DHX58: variants seen among roughly 807,000 people sequenced by gnomAD.
DHX58 encodes DExH-box helicase 58, also known as ATP-dependent RNA helicase DHX58.
A neutral mutation model predicts 65.0 loss-of-function variants in DHX58; 51 were observed. The observed-to-expected ratio is 0.78, with a 90% confidence interval of 0.63 to 0.99. DHX58 has a LOEUF of 0.99. DHX58 is among the 50% of genes least tolerant of loss of function. The probability of loss-of-function intolerance (pLI) is 0.00; values close to 1 mark genes in which losing one functional copy is unlikely to be tolerated. For synonymous variants in DHX58, 350 were observed against 365.0 expected (o/e 0.96, Z 0.47); for missense variants, 773 against 891.8 (o/e 0.87, Z 1.70).
In DHX58 at chr17:42,103,660, C is replaced by T. The variant is rs1167300738; in HGVS notation, c.1702G>A (p.Asp568Asn). Reference protein sequence around the residue: ...NCMVAVGHGSDLRKVEGTHHV... With the variant: ...NCMVAVGHGSNLRKVEGTHHV... Reference sequence around the variant, plus strand: ...TGGGTGCCCTCCACCTTCCGCAGGTCGCTGCCATGGCCCACAGCCACCATG... The same window carrying T: ...TGGGTGCCCTCCACCTTCCGCAGGTTGCTGCCATGGCCCACAGCCACCATG... Residue 568 changes from aspartate to asparagine, a missense_variant, in exon 12 of 14, where the codon GAC becomes AAC. Transcript: ENST00000251642. 22 of 1,613,912 alleles carry T rather than the reference C, an allele frequency of 1.4e-5. No homozygotes were observed. The highest frequency in any genetic ancestry group is 3.3e-5 in the Admixed American group (2 of 60,008).
intron 8 of DHX58, among the ~76,000 whole-genome samples, chr17:42,106,634 C>CAAA (rs2054064304): frequency 9.6e-6 from 1 of 104,484 alleles, no homozygotes; most frequent in Admixed American, 8.4e-5. Flanking sequence ...CCCGTCTCTA[C>CAAA]TAAAAATACA....
Position 42,101,539 on chromosome 17 carries a change from T to G in DHX58, c.*222A>C. 1 of 506,746 alleles carries G rather than the reference T, an allele frequency of 2.0e-6. No individual in the cohort carries two copies. Among genetic ancestry groups the G allele is most frequent in the Non-Finnish European group, 3.5e-6 (1 of 289,532 alleles). 31.4% of individuals were successfully genotyped at this position (506,746 alleles called of 1,614,324 possible). ...CCTCAGTTTCCCTAACTCCATCCAG[T>G]GCATATGAAAATGTCTATGTGCGTA... On this transcript the variant is annotated 3_prime_UTR_variant, in exon 14 of 14. Coordinates refer to ENST00000251642, the MANE Select transcript of DHX58 (RefSeq NM_024119.3).
chr17:42,111,527 G>C (rs1555664281), intron 3 of DHX58, 30 bp from the exon 4 acceptor site: 1 of 1,610,802 alleles, frequency 6.2e-7, no homozygotes, highest in Non-Finnish European at 8.5e-7. Context: ...TGGGAAAAGA[G>C]AGCTGAATCT....
Position 42,107,728 on chromosome 17 carries a change from C to G in DHX58, c.873G>C (p.Leu291=). The part of the protein sequence containing the change: ...ALHLRRYNDA[L]LIHDTVRAVD... ...CGGCGCGGACGGTGTCATGGATGAG[C>G]AGCGCGTCATTGTAGCGCCTCAGGT... The change falls in exon 8 of 14, where the codon CTG becomes CTC. Residue 291 remains leucine (L), a synonymous_variant. Coordinates refer to ENST00000251642, the MANE Select transcript of DHX58 (RefSeq NM_024119.3). The G allele has an allele frequency of 6.2e-7, 1 of 1,607,846 alleles. No individual in the cohort carries two copies. Among genetic ancestry groups the G allele is most frequent in the Non-Finnish European group, 8.5e-7 (1 of 1,177,012 alleles).
At chr17:42,103,362 C>T (rs1307179075) in intron 12 of DHX58, 11 of 538,970 alleles carry the variant, frequency 2.0e-5, no homozygotes, top group Non-Finnish European at 6.5e-6. Context: ...CACTTAGTAT[C>T]CTGAATTCCA....
intron 12 of DHX58, 195 bp downstream of exon 12, chr17:42,103,413 A>C: frequency 3.0e-6 from 2 of 667,128 alleles, no homozygotes; most frequent in Non-Finnish European, 2.4e-6. Flanking sequence ...AACTTGGGCA[A>C]GTCACATAGC....
Position 42,111,785 on chromosome 17 carries a change from A to G in DHX58, c.108T>C (p.Tyr36=). ...TGAGKTRAAA[Y]VAKRHLETVD... ...CAGTCTCTAGGTGCCGCTTGGCCAC[A>G]TAAGCAGCCGCCCGGGTCTTCCCGG... The change falls in exon 3 of 14, where the codon TAT becomes TAC. Residue 36 remains tyrosine, a synonymous_variant. Transcript: ENST00000251642. 6.2e-7 allele frequency: 1 copy of G among 1,614,104 alleles called. No homozygotes were observed. The highest frequency in any genetic ancestry group is 8.5e-7 in the Non-Finnish European group (1 of 1,179,970).
At chr17:42,111,704 G>A (rs1336936442) in intron 3 of DHX58, 21 bp downstream of exon 3, 5 of 1,599,144 alleles carry the variant, frequency 3.1e-6, no homozygotes, top group Non-Finnish European at 4.3e-6. Flanking sequence ...TGGGAGAGCG[G>A]GGTAGGGACA....
chr17:42,111,708 A>G lies in DHX58; in HGVS notation c.168+17T>C. 2 of 1,601,076 alleles carry G rather than the reference A, an allele frequency of 1.2e-6. No individual in the cohort carries two copies. Among genetic ancestry groups the G allele is most frequent in the Non-Finnish European group, 1.7e-6 (2 of 1,170,528 alleles). ...CTGCTTGGTGGTGGGAGAGCGGGGTAGGGACAGACCACTCACCCTGTTGAC... is the reference window on the plus strand; with the variant it reads ...CTGCTTGGTGGTGGGAGAGCGGGGTGGGGACAGACCACTCACCCTGTTGAC... On this transcript the variant is annotated intron_variant, in intron 3 of 13. Transcript: ENST00000251642.
chr17:42,108,943 A>G lies in DHX58; in HGVS notation c.678+327T>C, dbSNP rs187261607. Among the ~76,000 whole-genome samples the G allele has an allele frequency of 1.2e-3, 178 of 152,378 alleles. 1 individual carries two copies. The highest frequency in any genetic ancestry group is 0.011 in the Admixed American group (175 of 15,306). On this transcript the variant is annotated intron_variant, in intron 6 of 13. Transcript: ENST00000251642. ...CTGACACCTAGTCCTTGTCCAGTCC[A>G]GTCATGGCAGACACGAGGCCGTGTC...
chr17:42,110,686 G>A, intron 5 of DHX58, 37 bp downstream of exon 5: 1 of 1,543,354 alleles, frequency 6.5e-7, no homozygotes, highest in Non-Finnish European at 8.7e-7. Context: ...GTCCCTGGTG[G>A]GTCTGGCAGT....
chr17:42,105,649 C>G, intron 9 of DHX58, 87 bp downstream of exon 9: 2 of 1,484,802 alleles, frequency 1.3e-6, no homozygotes, highest in South Asian at 1.4e-5. Context: ...TCCCTGCCCC[C>G]ACCTCTCTGT....
At chr17:42,110,540 G>T (rs923409288) in intron 5 of DHX58, among the ~76,000 whole-genome samples, 183 bp downstream of exon 5, 1 of 152,222 alleles carries the variant, frequency 6.6e-6, no homozygotes, top group Admixed American at 6.5e-5. Flanking sequence ...CAGTAGAGTC[G>T]GGAGTTAATT....
At chr17:42,108,768 TGA>T (rs1353410230) in intron 6 of DHX58, among the ~76,000 whole-genome samples, 1 of 151,702 alleles carries the variant, frequency 6.6e-6, no homozygotes, top group Non-Finnish European at 1.5e-5. Context: ...GTGGACAGTG[TGA>T]GAGAGCCGCT....
At chr17:42,111,268 T>C (rs781830535) in intron 4 of DHX58, 28 bp downstream of exon 4, 1 of 1,601,534 alleles carries the variant, frequency 6.2e-7, no homozygotes, top group African/African-American at 1.3e-5. Context: ...CAGATGCGTA[T>C]CTTTTTCCTC....
intron 8 of DHX58, 23 bp downstream of exon 8, chr17:42,107,581 C>A: frequency 6.5e-7 from 1 of 1,537,672 alleles, no homozygotes; most frequent in South Asian, 1.2e-5. Context: ...TCCCCGGCCC[C>A]GAAGCCCCCT....
intron 9 of DHX58, among the ~76,000 whole-genome samples, chr17:42,105,460 T>C (rs1466350978): frequency 6.6e-6 from 1 of 151,722 alleles, no homozygotes; most frequent in Admixed American, 6.6e-5. Flanking sequence ...CCTGATCCTG[T>C]GCCCTGAGGA....
intron 7 of DHX58, 54 bp from the exon 8 acceptor site, chr17:42,107,849 GC>G (rs2144001359): frequency 6.5e-7 from 1 of 1,529,808 alleles, no homozygotes; most frequent in East Asian, 2.4e-5. Flanking sequence ...CCCCTGCCCT[GC>G]CCCATAGGGC....
At chr17:42,110,636 G>A (rs2054134208) in intron 5 of DHX58, 87 bp downstream of exon 5, 28 of 1,444,920 alleles carry the variant, frequency 1.9e-5, no homozygotes, top group Non-Finnish European at 2.5e-5. Context: ...TAGGGCTGGT[G>A]GGGACGGGGT....
Sources: allele counts gnomAD v4.1 joint callset (sites outside exome capture counted in the v4.1 genomes callset), GRCh38; gene constraint gnomAD v4.1.1; transcripts MANE v1.5; gene names NCBI Gene and HGNC (gene_info 2026-07-23, HGNC 2026-07-21).